MIR2052HG: variants seen among roughly 807,000 people sequenced by gnomAD.
MIR2052HG encodes the protein MIR2052 host gene.
chr8:74,737,832 G>A (rs1809783679), intron 4 of MIR2052HG, among the ~76,000 whole-genome samples: 1 of 152,098 alleles, frequency 6.6e-6, no homozygotes, highest in South Asian at 2.1e-4. Context: ...TCTACTTGTT[G>A]TTTTGGCCCT....
intron 2 of MIR2052HG, among the ~76,000 whole-genome samples, chr8:74,654,376 A>T (rs898428604): frequency 3.3e-5 from 5 of 152,118 alleles, no homozygotes; most frequent in Non-Finnish European, 7.4e-5. Flanking sequence ...GTTTCCATTG[A>T]TCAGATGGGG....
intron 2 of MIR2052HG, among the ~76,000 whole-genome samples, chr8:74,680,628 G>C (rs1192898087): frequency 6.6e-6 from 1 of 152,174 alleles, no homozygotes; most frequent in Non-Finnish European, 1.5e-5. Context: ...CTGTAAACTA[G>C]TTCAACCATT....
intron 2 of MIR2052HG, among the ~76,000 whole-genome samples, chr8:74,690,474 T>C (rs1683007418): frequency 6.6e-6 from 1 of 151,868 alleles, no homozygotes; most frequent in African/African-American, 2.4e-5. Flanking sequence ...TGAAACCCCG[T>C]CTCTACTAAA....
intron 2 of MIR2052HG, among the ~76,000 whole-genome samples, chr8:74,652,756 T>G (rs1808766323): frequency 1.3e-5 from 2 of 152,290 alleles, no homozygotes; most frequent in African/African-American, 4.8e-5. Context: ...CATATCAGAT[T>G]CCTATCAAAT....
intron 2 of MIR2052HG, among the ~76,000 whole-genome samples, chr8:74,694,108 C>T (rs1455606442): frequency 6.6e-6 from 1 of 152,186 alleles, no homozygotes; most frequent in Non-Finnish European, 1.5e-5. Context: ...AAGTCCAATT[C>T]ACTCCTCTGC....
intron 4 of MIR2052HG, among the ~76,000 whole-genome samples, chr8:74,739,008 T>A (rs894005423): frequency 6.6e-6 from 1 of 152,176 alleles, no homozygotes; most frequent in Non-Finnish European, 1.5e-5. Context: ...AATAGAAAAG[T>A]GTTGAGGTTA....
chr8:74,602,817 G>GTTTCTTTCTTTCTTTTTCTTTC (rs1808023773), intron 1 of MIR2052HG, among the ~76,000 whole-genome samples: 15 of 73,784 alleles, frequency 2.0e-4, no homozygotes, highest in African/African-American at 9.5e-4. Flanking sequence ...GCCCGGCCGT[G>GTTTCTTTCTTTCTTTTTCTTTC]TTTCTTTCTT....
intron 1 of MIR2052HG, chr8:74,603,516 A>G: frequency 6.4e-7 from 1 of 1,553,346 alleles, no homozygotes; most frequent in South Asian, 1.1e-5. Context: ...TGGTAAGTTC[A>G]TGAGAAGTAG....
At chr8:74,600,586 GGA>G (rs1807983265) in intron 1 of MIR2052HG, among the ~76,000 whole-genome samples, 2 of 145,848 alleles carry the variant, frequency 1.4e-5, no homozygotes, top group African/African-American at 5.4e-5. Context: ...AAAAGAAAAA[GGA>G]AAAAAAAAAA....
intron 4 of MIR2052HG, among the ~76,000 whole-genome samples, chr8:74,735,160 A>G (rs1340490627): frequency 6.6e-6 from 1 of 152,216 alleles, no homozygotes. Flanking sequence ...AGGATGAAAC[A>G]CAATGTAATG....
At chr8:74,621,376 C>T (rs1808359369) in intron 2 of MIR2052HG, among the ~76,000 whole-genome samples, 1 of 152,186 alleles carries the variant, frequency 6.6e-6, no homozygotes, top group South Asian at 2.1e-4. Flanking sequence ...TATCAATTTA[C>T]TATATTAGTC....
chr8:74,668,519 CTT>C (rs1207056471), intron 2 of MIR2052HG, among the ~76,000 whole-genome samples: 2 of 152,134 alleles, frequency 1.3e-5, no homozygotes, highest in Non-Finnish European at 2.9e-5. Flanking sequence ...TCATCTGTGA[CTT>C]TTGTCCTCAG....
At chr8:74,712,810 T>G (rs1019738738) in intron 4 of MIR2052HG, among the ~76,000 whole-genome samples, 1 of 152,178 alleles carries the variant, frequency 6.6e-6, no homozygotes, top group Non-Finnish European at 1.5e-5. Flanking sequence ...TGACATTGAT[T>G]TTTTTCTGTC....
intron 2 of MIR2052HG, among the ~76,000 whole-genome samples, chr8:74,668,348 G>C (rs937759293): frequency 6.6e-6 from 1 of 151,992 alleles, no homozygotes; most frequent in Non-Finnish European, 1.5e-5. Flanking sequence ...ATTTTATACT[G>C]TCTGCTCAGG....
At chr8:74,728,024 TC>T (rs1188529752) in intron 4 of MIR2052HG, among the ~76,000 whole-genome samples, 2 of 152,222 alleles carry the variant, frequency 1.3e-5, no homozygotes, top group Non-Finnish European at 2.9e-5. Context: ...CTACATACTC[TC>T]AATTACAGTA....
At chr8:74,670,870 T>C (rs1344593362) in intron 2 of MIR2052HG, among the ~76,000 whole-genome samples, 2 of 152,130 alleles carry the variant, frequency 1.3e-5, no homozygotes, top group African/African-American at 4.8e-5. Flanking sequence ...TCTTTCTCTT[T>C]TTTTTTCTTC....
At chr8:74,684,479 A>G (rs1809158930) in intron 2 of MIR2052HG, among the ~76,000 whole-genome samples, 1 of 152,092 alleles carries the variant, frequency 6.6e-6, no homozygotes, top group Non-Finnish European at 1.5e-5. Flanking sequence ...GAAGAAAACA[A>G]TATATATGTG....
chr8:74,600,717 A>G (rs1807987845), intron 1 of MIR2052HG, among the ~76,000 whole-genome samples: 1 of 152,070 alleles, frequency 6.6e-6, no homozygotes, highest in African/African-American at 2.4e-5. Context: ...CTGGGATTAC[A>G]AGTGCGTGCC....
chr8:74,609,189 A>T (rs1333459381), intron 1 of MIR2052HG, among the ~76,000 whole-genome samples: 1 of 151,998 alleles, frequency 6.6e-6, no homozygotes, highest in African/African-American at 2.4e-5. Context: ...AATAAATTTG[A>T]CTACTTACAA....
Sources: allele counts gnomAD v4.1 joint callset (sites outside exome capture counted in the v4.1 genomes callset), GRCh38; gene constraint gnomAD v4.1.1; transcripts MANE v1.5; gene names NCBI Gene and HGNC (gene_info 2026-07-23, HGNC 2026-07-21).